ZNF90: variants seen among roughly 807,000 people sequenced by gnomAD.
ZNF90 encodes the protein zinc finger protein 90, also known as zinc finger protein HTF9.
ZNF90 carries 11 observed loss-of-function variants against 12.0 expected under a neutral mutation model. The ratio of observed to expected loss-of-function variants is 0.92; its 90% confidence interval spans 0.58 to 1.52. ZNF90 has a LOEUF of 1.52. Among genes scored for constraint, ZNF90 ranks in the 40% most tolerant of loss-of-function variants. ZNF90 has a pLI of 0.00. For missense variants in ZNF90, 765 were observed against 711.5 expected (o/e 1.08, Z -0.86); for synonymous variants, 232 against 240.1 (o/e 0.97, Z 0.31).
chr19:20,109,256 A>G (rs541619188), intron 3 of ZNF90, among the ~76,000 whole-genome samples: 40 of 152,310 alleles, frequency 2.6e-4, no homozygotes, highest in African/African-American at 9.4e-4. Flanking sequence ...TTTAAGAGAT[A>G]AATTGTGCAT....
At chr19:20,102,452 G>A (rs1177760840) in intron 1 of ZNF90, among the ~76,000 whole-genome samples, 2 of 152,142 alleles carry the variant, frequency 1.3e-5, no homozygotes, top group Non-Finnish European at 1.5e-5. Context: ...ATAGCAGAAA[G>A]ACACAGCAAT....
chr19:20,091,058 A>G (rs1393667988), intron 1 of ZNF90, among the ~76,000 whole-genome samples: 9 of 152,094 alleles, frequency 5.9e-5, no homozygotes, highest in Admixed American at 4.6e-4. Flanking sequence ...AAACCGAGGA[A>G]TTATGTCTGA....
intron 1 of ZNF90, among the ~76,000 whole-genome samples, chr19:20,093,517 A>C (rs2088918790): frequency 6.6e-6 from 1 of 152,008 alleles, no homozygotes; most frequent in South Asian, 2.1e-4. Context: ...GGTTGGGGAG[A>C]AGGGCGGCAA....
chr19:20,084,648 ATC>A (rs1383560004), intron 1 of ZNF90, among the ~76,000 whole-genome samples: 1 of 152,136 alleles, frequency 6.6e-6, no homozygotes, highest in Non-Finnish European at 1.5e-5. Flanking sequence ...CCTTGCCAGC[ATC>A]TGTTATTTTT....
chr19:20,080,221 G>A, intron 1 of ZNF90: 1 of 579,068 alleles, frequency 1.7e-6, no homozygotes, highest in South Asian at 1.4e-5. Context: ...TCCTGACGGT[G>A]TGCTGTTGAT....
intron 1 of ZNF90, among the ~76,000 whole-genome samples, chr19:20,082,977 T>C (rs1188270379): frequency 6.6e-6 from 1 of 152,210 alleles, no homozygotes; most frequent in African/African-American, 2.4e-5. Context: ...GATATGTTTA[T>C]GTATGTGCAC....
Position 20,119,117 on chromosome 19 carries a change from C to T in ZNF90, c.1563C>T (p.Ser521=). 1.2e-6 allele frequency: 2 copies of T among 1,613,154 alleles called. No homozygotes were observed. Among genetic ancestry groups the T allele is most frequent in the Non-Finnish European group, 1.7e-6 (2 of 1,179,622 alleles). The stretch of plus-strand genomic sequence containing the variant: ...AATGTGGCAAAGCCTTCAAGCGCTC[C>T]TCAGTCCTTAGTAAACATAAGATAA... ...CEECGKAFKR[S]SVLSKHKIIH... The change falls in exon 4 of 4, where the codon TCC becomes TCT. Residue 521 remains serine (S), a synonymous_variant. Transcript: ENST00000418063.
At chr19:20,109,976 C>G (rs1328594511) in intron 3 of ZNF90, among the ~76,000 whole-genome samples, 2 of 152,182 alleles carry the variant, frequency 1.3e-5, no homozygotes, top group Non-Finnish European at 2.9e-5. Context: ...CCTTGACAGA[C>G]AAACCTTCCA....
intron 1 of ZNF90, among the ~76,000 whole-genome samples, chr19:20,094,255 CT>C (rs1204103039): frequency 7.9e-5 from 12 of 152,276 alleles, no homozygotes; most frequent in African/African-American, 2.9e-4. Flanking sequence ...TATTGTGCAC[CT>C]TGAAGGTGAG....
At chr19:20,113,407 G>A (rs1244926361) in intron 3 of ZNF90, among the ~76,000 whole-genome samples, 3 of 152,000 alleles carry the variant, frequency 2.0e-5, no homozygotes, top group Admixed American at 2.0e-4. Flanking sequence ...TGGTCAGGCT[G>A]GTCTTGAACT....
At chr19:20,106,302 T>G (rs567004377) in intron 3 of ZNF90, among the ~76,000 whole-genome samples, 4 of 152,156 alleles carry the variant, frequency 2.6e-5, no homozygotes, top group African/African-American at 9.6e-5. Flanking sequence ...AACAGCAACT[T>G]TTTACTTATT....
At position 20,117,802 on chromosome 19, in the gene ZNF90, A is replaced by G. The variant is rs1555705850; in HGVS notation, c.248A>G (p.Gln83Arg). 1 of 1,543,092 alleles carries G rather than the reference A, an allele frequency of 6.5e-7. No individual in the cohort carries two copies. Among genetic ancestry groups the G allele is most frequent in the South Asian group, 1.3e-5 (1 of 78,444 alleles). ...KSPVMCFHFA[Q>R]DLCPEQSLKD... Reference sequence around the variant, plus strand: ...TCAGTTATGTGTTTTCATTTTGCCCAAGACCTTTGTCCAGAGCAGAGCCTA... The same window carrying G: ...TCAGTTATGTGTTTTCATTTTGCCCGAGACCTTTGTCCAGAGCAGAGCCTA... Residue 83 changes from glutamine (Q) to arginine (R), a missense_variant, in exon 4 of 4, where the codon CAA (glutamine) becomes CGA (arginine). Coordinates refer to ENST00000418063, the MANE Select transcript of ZNF90 (RefSeq NM_007138.2).
intron 1 of ZNF90, among the ~76,000 whole-genome samples, chr19:20,093,358 G>A (rs2088917462): frequency 1.3e-5 from 2 of 152,156 alleles, no homozygotes; most frequent in Admixed American, 6.5e-5. Flanking sequence ...GCTGTGGGAT[G>A]GAATATTGGT....
At chr19:20,086,378 G>A (rs1464413315) in intron 1 of ZNF90, among the ~76,000 whole-genome samples, 1 of 151,792 alleles carries the variant, frequency 6.6e-6, no homozygotes, top group Non-Finnish European at 1.5e-5. Context: ...GGGATTACAG[G>A]TGTGCCCAAC....
At chr19:20,114,867 A>G (rs2089123200) in intron 3 of ZNF90, among the ~76,000 whole-genome samples, 1 of 152,142 alleles carries the variant, frequency 6.6e-6, no homozygotes, top group Admixed American at 6.5e-5. Context: ...CAGAAAATGC[A>G]TTACTGAAAT....
intron 1 of ZNF90, among the ~76,000 whole-genome samples, chr19:20,083,148 C>T (rs1230353): frequency 0.15 from 22,880 of 151,736 alleles, 1,969 homozygotes; most frequent in East Asian, 0.38. Context: ...AACTCAGAGA[C>T]TGGTGCCGGT....
intron 1 of ZNF90, among the ~76,000 whole-genome samples, chr19:20,094,940 GAACTA>G (rs1338839144): frequency 6.6e-6 from 1 of 152,192 alleles, no homozygotes; most frequent in Non-Finnish European, 1.5e-5. Context: ...GCTAGTCGCG[GAACTA>G]AACTGTAAGC....
chr19:20,078,036 G>C lies in ZNF90; in HGVS notation c.-97G>C. 2.6e-6 allele frequency: 4 copies of C among 1,539,392 alleles called. No homozygotes were observed. Among genetic ancestry groups the C allele is most frequent in the Non-Finnish European group, 3.6e-6 (4 of 1,112,428 alleles). ...TGCTGCAGCTGGTGCTCCAAATCTG[G>C]TCTTAGCTGCTTCGTGTCTTCTTCT... On this transcript the variant is annotated 5_prime_UTR_variant, in exon 1 of 4. Transcript: ENST00000418063.
rs527709757 is a variant in ZNF90 at position 20,098,438 on chromosome 19, G to C, written c.4-5801G>C. The stretch of plus-strand genomic sequence containing the variant: ...CAGGAGGAACTAGCATCTGATGGCA[G>C]AATCTGTAAATGTAAATAAGCATCT... On this transcript the variant is annotated intron_variant, in intron 1 of 3. Transcript: ENST00000418063. 1.0e-3 allele frequency among the ~76,000 whole-genome samples: 153 copies of C among 152,322 alleles called. 3 individuals carry two copies. The highest frequency in any genetic ancestry group is 5.2e-3 in the Admixed American group (80 of 15,302).
Sources: gnomAD v4.1 joint callset for allele counts (sites outside exome capture counted in the v4.1 genomes callset) on GRCh38, gnomAD v4.1.1 for gene constraint, MANE v1.5 for transcripts, NCBI Gene and HGNC (gene_info 2026-07-23, HGNC 2026-07-21) for gene names.